Variants in KCNH8 observed in about 807,000 individuals in gnomAD.
KCNH8 encodes the protein voltage-gated delayed rectifier potassium channel KCNH8.
Under a neutral mutation model 103.6 loss-of-function variants are expected in KCNH8, and 70 were observed. The ratio of observed to expected loss-of-function variants is 0.68; its 90% CI spans 0.56 to 0.82. The LOEUF is 0.82. KCNH8 is among the 40% of genes least tolerant of loss of function. The pLI, the probability that KCNH8 is intolerant of heterozygous loss-of-function variation, is 0.00. For synonymous variants in KCNH8, 498 were observed against 489.4 expected (o/e 1.02, Z -0.23); for missense variants, 1,217 against 1,329.9 (o/e 0.92, Z 1.32).
At chr3:19,291,771 A>G (rs2064930712) in intron 3 of KCNH8, among the ~76,000 whole-genome samples, 2 of 152,200 alleles carry the variant, frequency 1.3e-5, no homozygotes, top group African/African-American at 2.4e-5. Flanking sequence ...AGCTTGGTGC[A>G]GAGCTGAGTT....
At chr3:19,510,476 C>G in intron 12 of KCNH8, 75 bp downstream of exon 12, 1 of 933,104 alleles carries the variant, frequency 1.1e-6, no homozygotes, top group Non-Finnish European at 1.8e-6. Flanking sequence ...TTGTCTTTCT[C>G]TTCAGAATTT....
chr3:19,400,644 G>C (rs2066599137), intron 7 of KCNH8, among the ~76,000 whole-genome samples: 1 of 151,792 alleles, frequency 6.6e-6, no homozygotes, highest in Non-Finnish European at 1.5e-5. Flanking sequence ...GGAAGGCCAA[G>C]AATCTAGAAT....
In KCNH8 at chr3:19,282,564, C is replaced by T. The variant is rs961831287; in HGVS notation, c.442+1235C>T. ...TGGATAAATAGAAATATAACACAAT[C>T]CTTAGAAAGAAATACATGACTTTTT... is the stretch of plus-strand genomic sequence containing the variant. On this transcript the variant is annotated intron_variant, in intron 3 of 15. Transcript: ENST00000328405. 2.6e-5 allele frequency among the ~76,000 whole-genome samples: 4 copies of T among 152,138 alleles called. No homozygotes were observed. The East Asian group carries it at 7.7e-4, about 29-fold the overall frequency.
At chr3:19,183,760 T>G (rs1489375743) in intron 1 of KCNH8, among the ~76,000 whole-genome samples, 1 of 152,116 alleles carries the variant, frequency 6.6e-6, no homozygotes, top group Non-Finnish European at 1.5e-5. Context: ...AAAGAACTTG[T>G]GGTTAGTCTA....
At chr3:19,476,368 G>C (rs1184755043) in intron 11 of KCNH8, among the ~76,000 whole-genome samples, 1 of 152,186 alleles carries the variant, frequency 6.6e-6, no homozygotes, top group Non-Finnish European at 1.5e-5. Flanking sequence ...GCCACAGGGA[G>C]TTGTGATGCG....
chr3:19,482,086 G>A (rs6785488), intron 11 of KCNH8, among the ~76,000 whole-genome samples: 24,219 of 152,112 alleles, frequency 0.16, 2,099 homozygotes, highest in Middle Eastern at 0.24. Context: ...TGAGAGGGTC[G>A]TGATCGATTG....
At chr3:19,320,457 A>G (rs1441024324) in intron 3 of KCNH8, among the ~76,000 whole-genome samples, 3 of 152,004 alleles carry the variant, frequency 2.0e-5, no homozygotes, top group Non-Finnish European at 4.4e-5. Context: ...GTGGTGTATC[A>G]TATCTATTTA....
intron 3 of KCNH8, among the ~76,000 whole-genome samples, chr3:19,300,927 C>G (rs1323767655): frequency 6.6e-6 from 1 of 151,450 alleles, no homozygotes; most frequent in Non-Finnish European, 1.5e-5. Context: ...TAAAGCCTTT[C>G]TAGTATATTT....
At chr3:19,303,665 G>A (rs2125291310) in intron 3 of KCNH8, among the ~76,000 whole-genome samples, 1 of 152,230 alleles carries the variant, frequency 6.6e-6, no homozygotes, top group Non-Finnish European at 1.5e-5. Context: ...ATCTGTGTGG[G>A]AAAGGAGGAA....
intron 3 of KCNH8, among the ~76,000 whole-genome samples, chr3:19,281,707 T>A (rs1371312065): frequency 6.6e-6 from 1 of 152,140 alleles, no homozygotes; most frequent in African/African-American, 2.4e-5. Context: ...TCTAGATTGC[T>A]GTAGCTCAAA....
intron 11 of KCNH8, among the ~76,000 whole-genome samples, chr3:19,494,210 A>G (rs2068386597): frequency 1.3e-5 from 2 of 152,208 alleles, no homozygotes; most frequent in Admixed American, 6.5e-5. Flanking sequence ...CACAGTGTAC[A>G]TGTACCACAT....
intron 10 of KCNH8, among the ~76,000 whole-genome samples, chr3:19,456,501 T>C (rs2067534443): frequency 6.6e-6 from 1 of 152,032 alleles, no homozygotes; most frequent in African/African-American, 2.4e-5. Context: ...TCCAAAGATA[T>C]AGCTTGCTTG....
chr3:19,288,597 A>G (rs1228591796), intron 3 of KCNH8, among the ~76,000 whole-genome samples: 1 of 152,122 alleles, frequency 6.6e-6, no homozygotes. Flanking sequence ...TCCATGGTGT[A>G]TATGTGCCAC....
chr3:19,234,416 C>T (rs992318580), intron 1 of KCNH8, among the ~76,000 whole-genome samples: 1 of 152,188 alleles, frequency 6.6e-6, no homozygotes, highest in Non-Finnish European at 1.5e-5. Flanking sequence ...CTGCAGGTCC[C>T]GAGCCCTGCC....
At chr3:19,386,476 C>G (rs183248578) in intron 5 of KCNH8, among the ~76,000 whole-genome samples, 11 of 152,092 alleles carry the variant, frequency 7.2e-5, no homozygotes, top group Admixed American at 7.2e-4. Context: ...TACCATGTGC[C>G]ATAAAGGATT....
intron 3 of KCNH8, among the ~76,000 whole-genome samples, chr3:19,283,941 CA>C (rs549944584): frequency 0.043 from 3,381 of 78,766 alleles, 87 homozygotes; most frequent in East Asian, 0.12. Context: ...GACCCTGTCT[CA>C]AAAAAAAAAA....
intron 15 of KCNH8, among the ~76,000 whole-genome samples, chr3:19,529,994 C>G (rs895303584): frequency 6.6e-6 from 1 of 152,144 alleles, no homozygotes; most frequent in African/African-American, 2.4e-5. Flanking sequence ...CCTGTCAAGA[C>G]TCTGGATTCC....
At chr3:19,465,969 C>G (rs983190591) in intron 11 of KCNH8, among the ~76,000 whole-genome samples, 1 of 152,086 alleles carries the variant, frequency 6.6e-6, no homozygotes, top group Non-Finnish European at 1.5e-5. Flanking sequence ...GGGCCTCACT[C>G]TGTTGCACAG....
At chr3:19,210,488 G>A (rs2063759452) in intron 1 of KCNH8, among the ~76,000 whole-genome samples, 1 of 152,004 alleles carries the variant, frequency 6.6e-6, no homozygotes, top group South Asian at 2.1e-4. Flanking sequence ...AATCTCATTT[G>A]AAGTGTAAGA....
Sources: gnomAD v4.1 joint callset for allele counts (sites outside exome capture counted in the v4.1 genomes callset) on GRCh38, gnomAD v4.1.1 for gene constraint, MANE v1.5 for transcripts, NCBI Gene and HGNC (gene_info 2026-07-23, HGNC 2026-07-21) for gene names.